The following EFCAB6 variants were observed in gnomAD, a reference collection of about 807,000 sequenced individuals.
EFCAB6 encodes the protein EF-hand calcium-binding domain-containing protein 6.
In EFCAB6, 156 loss-of-function variants were observed where a neutral mutation model predicts 169.8. The ratio of observed to expected loss-of-function variants is 0.92; its 90% confidence interval spans 0.81 to 1.05. EFCAB6 has a LOEUF of 1.05. Ranked by LOEUF, EFCAB6 falls within the 50% of genes least tolerant of loss-of-function variation. EFCAB6 has a pLI of 0.00. For missense variants in EFCAB6, 1,800 were observed against 1,829.1 expected (o/e 0.98, Z 0.29); for synonymous variants, 698 against 676.4 (o/e 1.03, Z -0.50).
chr22:43,540,375 G>T lies in EFCAB6; in HGVS notation c.3649-18C>A. 1 of 1,613,650 alleles carries T rather than the reference G, an allele frequency of 6.2e-7. No homozygotes were observed. On this transcript the variant is annotated intron_variant, in intron 27 of 31. Coordinates refer to ENST00000262726, the MANE Select transcript of EFCAB6 (RefSeq NM_022785.4). The stretch of plus-strand genomic sequence containing the variant: ...CTGTCAAACTGGAGAAGGAGCAGAA[G>T]TCATTTCCCAGGTGTCAGTGCAAAC...
intron 2 of EFCAB6, among the ~76,000 whole-genome samples, chr22:43,787,179 C>A (rs2062108934): frequency 1.3e-5 from 2 of 152,126 alleles, no homozygotes; most frequent in South Asian, 4.1e-4. Flanking sequence ...GTTCTCACTA[C>A]TTCTATTAAA....
At chr22:43,787,387 T>G (rs187613146) in intron 2 of EFCAB6, among the ~76,000 whole-genome samples, 65 of 148,594 alleles carry the variant, frequency 4.4e-4, no homozygotes, top group Non-Finnish European at 8.2e-4. Context: ...CACACACAAT[T>G]AGAACTAATA....
At chr22:43,711,680 T>C (rs2147378064) in intron 9 of EFCAB6, 57 bp from the exon 10 acceptor site, 1 of 1,545,138 alleles carries the variant, frequency 6.5e-7, no homozygotes, top group Non-Finnish European at 8.6e-7. Context: ...CATGGAGCTA[T>C]TCAACCATTT....
rs574083839 is a variant in EFCAB6 at position 43,687,076 on chromosome 22, T to C, written c.1142+395A>G. Among the ~76,000 whole-genome samples the C allele has an allele frequency of 2.0e-4, 31 of 152,356 alleles. No homozygotes were observed. In the South Asian group the frequency reaches 4.3e-3, roughly 21 times the overall value. ...AATCAACATATATTGTTCCTTTCCA[T>C]GTAACACCTAACAAATACACGTTTA... On this transcript the variant is annotated intron_variant, in intron 11 of 31. Coordinates refer to ENST00000262726, the MANE Select transcript of EFCAB6 (RefSeq NM_022785.4).
intron 3 of EFCAB6, among the ~76,000 whole-genome samples, chr22:43,779,574 T>C (rs2061747211): frequency 6.6e-6 from 1 of 152,120 alleles, no homozygotes. Context: ...ACACCATTTC[T>C]ACTACAAATA....
chr22:43,534,625 AAAAT>A, intron 30 of EFCAB6, 59 bp downstream of exon 30: 1 of 1,482,576 alleles, frequency 6.7e-7, no homozygotes, highest in Non-Finnish European at 9.1e-7. Context: ...TGTCTTGAAA[AAAAT>A]AAAAATGAAA....
At chr22:43,541,809 C>A (rs2047745576) in intron 27 of EFCAB6, among the ~76,000 whole-genome samples, 1 of 152,232 alleles carries the variant, frequency 6.6e-6, no homozygotes, top group Non-Finnish European at 1.5e-5. Flanking sequence ...TCTCCCCCTC[C>A]CTCCCCTGGC....
chr22:43,783,453 C>T (rs2061902375), intron 2 of EFCAB6, among the ~76,000 whole-genome samples: 1 of 152,130 alleles, frequency 6.6e-6, no homozygotes, highest in South Asian at 2.1e-4. Flanking sequence ...TCAAGCTCTG[C>T]ACAAGCAGGA....
chr22:43,669,294 C>G (rs886541700), intron 15 of EFCAB6, among the ~76,000 whole-genome samples: 1 of 152,080 alleles, frequency 6.6e-6, no homozygotes, highest in African/African-American at 2.4e-5. Flanking sequence ...TTGGTAATAG[C>G]CAGAAACTAG....
chr22:43,552,080 C>T (rs1460330813), intron 27 of EFCAB6: 2 of 152,176 alleles, frequency 1.3e-5, no homozygotes, highest in African/African-American at 4.8e-5. Flanking sequence ...ATCTACCCAC[C>T]TCAGCCTCCC....
At chr22:43,611,984 T>A (rs555339326) in intron 21 of EFCAB6, among the ~76,000 whole-genome samples, 6 of 151,970 alleles carry the variant, frequency 3.9e-5, no homozygotes, top group Non-Finnish European at 8.8e-5. Flanking sequence ...TGGAATAGAA[T>A]AGAGAGCCCA....
chr22:43,593,285 G>C (rs62226986), intron 23 of EFCAB6, among the ~76,000 whole-genome samples: 9,676 of 152,278 alleles, frequency 0.064, 372 homozygotes, highest in Admixed American at 0.097. Context: ...AACTGAGCTT[G>C]ATGATCTGAA....
chr22:43,774,871 G>A (rs546210271), intron 3 of EFCAB6, among the ~76,000 whole-genome samples: 62 of 151,900 alleles, frequency 4.1e-4, no homozygotes, highest in Non-Finnish European at 7.5e-4. Flanking sequence ...TGGGCTTCAC[G>A]CTCTGGGGTT....
chr22:43,540,621 C>T (rs1443145811), intron 27 of EFCAB6: 4 of 1,298,092 alleles, frequency 3.1e-6, no homozygotes, highest in Non-Finnish European at 4.0e-6. Flanking sequence ...TCAGTGAGCA[C>T]TTTAAGGCCA....
intron 22 of EFCAB6, among the ~76,000 whole-genome samples, chr22:43,604,149 G>A (rs1261359895): frequency 6.6e-6 from 1 of 152,142 alleles, no homozygotes; most frequent in Non-Finnish European, 1.5e-5. Context: ...TGTACAGCCT[G>A]TGGAACCGTG....
intron 10 of EFCAB6, among the ~76,000 whole-genome samples, chr22:43,691,422 C>A (rs1027093454): frequency 1.3e-5 from 2 of 151,960 alleles, no homozygotes; most frequent in African/African-American, 4.8e-5. Context: ...CAAAGGAGAT[C>A]TTCACTTAGT....
intron 8 of EFCAB6, among the ~76,000 whole-genome samples, chr22:43,729,710 C>T (rs1485005515): frequency 6.6e-6 from 1 of 151,624 alleles, no homozygotes; most frequent in Non-Finnish European, 1.5e-5. Context: ...AGTTGAATGG[C>T]AAGATGATAA....
At chr22:43,656,163 G>A (rs55873965) in intron 17 of EFCAB6, among the ~76,000 whole-genome samples, 5,165 of 152,146 alleles carry the variant, frequency 0.034, 272 homozygotes, top group African/African-American at 0.12. Flanking sequence ...GGCCAAGGCG[G>A]GTGGATCACC....
chr22:43,791,390 T>C (rs1049843831), intron 2 of EFCAB6, among the ~76,000 whole-genome samples: 1 of 151,008 alleles, frequency 6.6e-6, no homozygotes, highest in African/African-American at 2.4e-5. Context: ...AAAAAAAGTT[T>C]CGGAATTGCC....
Sources: allele counts gnomAD v4.1 joint callset (sites outside exome capture counted in the v4.1 genomes callset), GRCh38; gene constraint gnomAD v4.1.1; transcripts MANE v1.5; gene names NCBI Gene and HGNC (gene_info 2026-07-23, HGNC 2026-07-21).